ITPR2: variants seen among roughly 807,000 people sequenced by gnomAD.
ITPR2 encodes the protein inositol 1,4,5-trisphosphate-gated calcium channel ITPR2.
ITPR2 carries 207 observed loss-of-function variants against 317.1 expected under a neutral mutation model. That is an observed-to-expected ratio of 0.65 (90% CI 0.58 to 0.73). The LOEUF is 0.73. Ranked by LOEUF, ITPR2 falls within the 30% of genes least tolerant of loss-of-function variation. ITPR2 has a pLI of 0.00. For synonymous variants in ITPR2, 1,156 were observed against 1,149.1 expected (o/e 1.01, Z -0.12); for missense variants, 2,613 against 3,284.0 (o/e 0.80, Z 4.99).
intron 49 of ITPR2, among the ~76,000 whole-genome samples, chr12:26,420,053 C>T (rs1212545624): frequency 6.6e-6 from 1 of 152,142 alleles, no homozygotes; most frequent in Non-Finnish European, 1.5e-5. Context: ...ACATTTCATA[C>T]TGCCTTTTGT....
chr12:26,437,948 C>T (rs982780675), intron 47 of ITPR2, among the ~76,000 whole-genome samples: 12 of 151,876 alleles, frequency 7.9e-5, no homozygotes, highest in Non-Finnish European at 1.6e-4. Context: ...ACTACAGGTG[C>T]CTGCCACCAC....
chr12:26,344,892 T>C (rs1473153541), intron 55 of ITPR2, among the ~76,000 whole-genome samples: 12 of 152,196 alleles, frequency 7.9e-5, no homozygotes, highest in Admixed American at 7.9e-4. Flanking sequence ...TTCTCTTCGT[T>C]CCTAAATATT....
intron 13 of ITPR2, among the ~76,000 whole-genome samples, chr12:26,677,071 T>C (rs1467753067): frequency 1.3e-5 from 2 of 148,994 alleles, no homozygotes; most frequent in Non-Finnish European, 3.0e-5. Context: ...ATGGTCAAAA[T>C]GTACGATAAG....
At chr12:26,712,844 G>A (rs1224191854) in intron 8 of ITPR2, among the ~76,000 whole-genome samples, 1 of 152,206 alleles carries the variant, frequency 6.6e-6, no homozygotes, top group Non-Finnish European at 1.5e-5. Context: ...CAATGATTTT[G>A]GAGGGATGCT....
intron 1 of ITPR2, among the ~76,000 whole-genome samples, chr12:26,804,722 ATTTAT>A (rs916625013): frequency 3.8e-4 from 57 of 151,970 alleles, no homozygotes; most frequent in African/African-American, 1.3e-3. Context: ...ACAGACTCTT[ATTTAT>A]TTTATTTTTA....
In ITPR2 at chr12:26,415,290, G is replaced by A; in HGVS notation, c.7306+13C>T. ...GCCATCAGAGAAACCTCATTTAGTG[G>A]TAATAGCAATACCTGTAACAGGAGT... On this transcript the variant is annotated intron_variant, in intron 51 of 56. Coordinates refer to ENST00000381340, the MANE Select transcript of ITPR2 (RefSeq NM_002223.4). The A allele has an allele frequency of 1.3e-6, 2 of 1,566,582 alleles. No individual in the cohort carries two copies. Among genetic ancestry groups the A allele is most frequent in the Admixed American group, 1.8e-5 (1 of 54,170 alleles).
chr12:26,624,724 G>T (rs1314387265), intron 23 of ITPR2, among the ~76,000 whole-genome samples: 2 of 151,766 alleles, frequency 1.3e-5, no homozygotes, highest in Non-Finnish European at 2.9e-5. Flanking sequence ...ATACACTGTT[G>T]GTGGGAATGT....
At chr12:26,421,086 G>T (rs1467213156) in intron 49 of ITPR2, among the ~76,000 whole-genome samples, 1 of 151,920 alleles carries the variant, frequency 6.6e-6, no homozygotes, top group Non-Finnish European at 1.5e-5. Context: ...TAAAAATTAC[G>T]CAGAAAAACT....
At chr12:26,702,050 C>T (rs1948453620) in intron 9 of ITPR2, among the ~76,000 whole-genome samples, 1 of 152,098 alleles carries the variant, frequency 6.6e-6, no homozygotes, top group Non-Finnish European at 1.5e-5. Flanking sequence ...TACTGAGGTC[C>T]CCATATTTTC....
chr12:26,410,796 A>G (rs1296680331), intron 52 of ITPR2, among the ~76,000 whole-genome samples: 1 of 152,140 alleles, frequency 6.6e-6, no homozygotes, highest in African/African-American at 2.4e-5. Flanking sequence ...TTATTTTTAT[A>G]TGTATGGTTC....
chr12:26,507,857 C>CTGTGTGTGTGTGTGTGTG (rs369130996), intron 37 of ITPR2, among the ~76,000 whole-genome samples: 4 of 88,250 alleles, frequency 4.5e-5, no homozygotes, highest in African/African-American at 1.3e-4. Flanking sequence ...TCTTCTCTCT[C>CTGTGTGTGTGTGTGTGTG]TGTCTCTGTG....
At chr12:26,765,820 G>A (rs111728732) in intron 2 of ITPR2, among the ~76,000 whole-genome samples, 2,181 of 152,020 alleles carry the variant, frequency 0.014, 55 homozygotes, top group African/African-American at 0.05. Context: ...ACCAGCCCTC[G>A]GCAATCATTA....
chr12:26,765,234 G>A (rs1949699173), intron 2 of ITPR2, among the ~76,000 whole-genome samples: 1 of 152,046 alleles, frequency 6.6e-6, no homozygotes, highest in Non-Finnish European at 1.5e-5. Flanking sequence ...CCCATCCCAT[G>A]TTGACTCAAC....
intron 2 of ITPR2, among the ~76,000 whole-genome samples, chr12:26,751,331 C>A (rs1378808755): frequency 2.6e-5 from 4 of 151,928 alleles, no homozygotes. Context: ...TACCCACGAA[C>A]CTAAAATAAA....
At chr12:26,805,734 AG>A (rs1950629373) in intron 1 of ITPR2, among the ~76,000 whole-genome samples, 2 of 51,618 alleles carry the variant, frequency 3.9e-5, no homozygotes, top group South Asian at 9.8e-4. Context: ...ACGGCTCTAC[AG>A]TGGGACCGTG....
chr12:26,574,866 G>T (rs986343028), intron 34 of ITPR2, among the ~76,000 whole-genome samples: 3 of 151,908 alleles, frequency 2.0e-5, no homozygotes, highest in African/African-American at 7.3e-5. Context: ...CACCAAGCAA[G>T]AACTCACTTA....
chr12:26,339,988 G>A (rs972596469), intron 56 of ITPR2, among the ~76,000 whole-genome samples, 179 bp downstream of exon 56: 8 of 152,064 alleles, frequency 5.3e-5, no homozygotes, highest in Non-Finnish European at 8.8e-5. Context: ...CAGGGAGATG[G>A]GATAAGTAGA....
chr12:26,755,686 C>T (rs537895577), intron 2 of ITPR2, among the ~76,000 whole-genome samples: 12 of 152,282 alleles, frequency 7.9e-5, no homozygotes, highest in African/African-American at 2.6e-4. Flanking sequence ...AATCTGTTTT[C>T]TTTTGCAATA....
chr12:26,800,118 C>T (rs1320159446), intron 1 of ITPR2, among the ~76,000 whole-genome samples: 1 of 152,178 alleles, frequency 6.6e-6, no homozygotes, highest in Non-Finnish European at 1.5e-5. Context: ...ACACCTCCCC[C>T]ACCCCAGGTT....
Sources: gnomAD v4.1 joint callset for allele counts (sites outside exome capture counted in the v4.1 genomes callset) on GRCh38, gnomAD v4.1.1 for gene constraint, MANE v1.5 for transcripts, NCBI Gene and HGNC (gene_info 2026-07-23, HGNC 2026-07-21) for gene names.